KATNAL2: variants seen among roughly 807,000 people sequenced by gnomAD.
KATNAL2 encodes katanin catalytic subunit A1 like 2.
KATNAL2 carries 52 observed loss-of-function variants against 76.3 expected under a neutral mutation model. The ratio of observed to expected loss-of-function variants is 0.68; its 90% CI spans 0.55 to 0.86. The LOEUF is 0.86. KATNAL2 is among the 40% of genes least tolerant of loss of function. The probability of loss-of-function intolerance (pLI) is 0.00; values close to 1 mark genes in which losing one functional copy is unlikely to be tolerated. For missense variants in KATNAL2, 660 were observed against 668.9 expected (o/e 0.99, Z 0.15); for synonymous variants, 243 against 244.2 (o/e 1.00, Z 0.05).
intron 3 of KATNAL2, among the ~76,000 whole-genome samples, chr18:46,965,959 C>G (rs879473116): frequency 4.6e-5 from 7 of 150,706 alleles, no homozygotes; most frequent in African/African-American, 1.5e-4. Flanking sequence ...TTTACATTCT[C>G]ACATGACTTT....
intron 3 of KATNAL2, among the ~76,000 whole-genome samples, chr18:46,949,687 C>T (rs1236120743): frequency 6.6e-6 from 1 of 152,230 alleles, no homozygotes; most frequent in East Asian, 1.9e-4. Flanking sequence ...CTCCTTCTTT[C>T]TCCTAGTCCC....
At chr18:46,961,985 C>T (rs1397839828) in intron 3 of KATNAL2, among the ~76,000 whole-genome samples, 1 of 152,194 alleles carries the variant, frequency 6.6e-6, no homozygotes, top group African/African-American at 2.4e-5. Flanking sequence ...CTACAGTTAT[C>T]TTCAGGCATT....
At chr18:47,099,192 C>T (rs761681235) in intron 15 of KATNAL2, 51 bp from the exon 16 acceptor site, 5 of 1,540,288 alleles carry the variant, frequency 3.2e-6, no homozygotes, top group South Asian at 1.2e-5. Flanking sequence ...AGTTGTTGTT[C>T]AGGAAGTGTG....
At chr18:47,037,458 G>A (rs1019513896) in intron 3 of KATNAL2, among the ~76,000 whole-genome samples, 2 of 152,194 alleles carry the variant, frequency 1.3e-5, no homozygotes, top group African/African-American at 2.4e-5. Flanking sequence ...TAATGAGCAT[G>A]TAATTGTGTC....
chr18:47,096,029 G>C (rs188709973), intron 15 of KATNAL2, among the ~76,000 whole-genome samples: 1 of 152,268 alleles, frequency 6.6e-6, no homozygotes, highest in Admixed American at 6.5e-5. Context: ...ACTGATAAAA[G>C]AACAAAGCAA....
At chr18:47,035,601 G>A (rs2060737208) in intron 3 of KATNAL2, 2 of 518,108 alleles carry the variant, frequency 3.9e-6, no homozygotes, top group South Asian at 2.1e-5. Flanking sequence ...TGACACTCAC[G>A]GCTCTAGCCC....
chr18:47,095,647 A>G (rs2063200301), intron 15 of KATNAL2, among the ~76,000 whole-genome samples: 1 of 152,256 alleles, frequency 6.6e-6, no homozygotes, highest in African/African-American at 2.4e-5. Context: ...TTAGTAACAC[A>G]GACAGCCTTC....
intron 7 of KATNAL2, 21 bp downstream of exon 7, chr18:47,058,373 C>A: frequency 7.2e-7 from 1 of 1,396,038 alleles, no homozygotes; most frequent in Non-Finnish European, 1.0e-6. Flanking sequence ...CTTGGCTTGA[C>A]TTTGTGAACA....
intron 1 of KATNAL2, among the ~76,000 whole-genome samples, chr18:46,937,395 A>C (rs2059125280): frequency 6.6e-6 from 1 of 151,936 alleles, no homozygotes; most frequent in Non-Finnish European, 1.5e-5. Flanking sequence ...TTTTATTATT[A>C]TTATTTTCTA....
rs139195196 is a variant in KATNAL2 at position 46,918,492 on chromosome 18, T to G, written c.-510+566T>G. ...TTTTTGAGACGGAGTTTTGCTCTTG[T>G]TGCCCAGGCTGGAGTGCAATGGCAC... On this transcript the variant is annotated intron_variant, in intron 1 of 17. Transcript: ENST00000683218. Among the ~76,000 whole-genome samples the G allele has an allele frequency of 2.0e-3, 297 of 152,300 alleles. 4 individuals carry two copies. The East Asian group carries it at 0.037, about 19-fold the overall frequency.
chr18:47,075,422 C>A lies in KATNAL2; in HGVS notation c.1100+54C>A, dbSNP rs111724216. 1.9e-5 allele frequency: 25 copies of A among 1,288,218 alleles called. No homozygotes were observed. The African/African-American group carries it at 2.6e-4, about 14-fold the overall frequency. The allele number at this position is 1,288,218 out of a possible 1,614,324, so 79.8% of individuals were successfully genotyped here. A position where few individuals can be genotyped will look rare whatever the true frequency, so the allele number is the denominator to read the frequency against. ...TTGTTGTTTTTTGTCATGGCTTCTC[C>A]CCTCTTGTGTGTTTGATGGTCGGAA... On this transcript the variant is annotated intron_variant, in intron 14 of 17. Coordinates refer to ENST00000683218, the MANE Select transcript of KATNAL2 (RefSeq NM_001387690.1).
chr18:47,084,694 C>T (rs1003706965), intron 15 of KATNAL2, among the ~76,000 whole-genome samples: 1 of 151,524 alleles, frequency 6.6e-6, no homozygotes, highest in Non-Finnish European at 1.5e-5. Flanking sequence ...ACTAAAAATA[C>T]AAAAATTACC....
At chr18:47,088,709 G>A (rs984157176) in intron 15 of KATNAL2, among the ~76,000 whole-genome samples, 1 of 152,148 alleles carries the variant, frequency 6.6e-6, no homozygotes, top group Non-Finnish European at 1.5e-5. Context: ...GACCACAGAC[G>A]TGTGCCACCA....
intron 3 of KATNAL2, chr18:47,034,855 G>A (rs1459084887): frequency 2.5e-6 from 4 of 1,612,012 alleles, no homozygotes; most frequent in Non-Finnish European, 2.5e-6. Context: ...CTGTTGCCCC[G>A]GAGGTGTTCT....
chr18:47,069,187 A>G (rs1343056782), intron 11 of KATNAL2, 33 bp from the exon 12 acceptor site: 1 of 1,525,272 alleles, frequency 6.6e-7, no homozygotes, highest in Admixed American at 1.7e-5. Context: ...ATGTGTTGGT[A>G]CCAAACCTCA....
chr18:47,065,140 C>T (rs1292043447), intron 10 of KATNAL2, among the ~76,000 whole-genome samples: 1 of 152,150 alleles, frequency 6.6e-6, no homozygotes, highest in Non-Finnish European at 1.5e-5. Context: ...TTGTAAATAT[C>T]ATGCATGACC....
At chr18:47,055,795 G>C (rs1352135276) in intron 6 of KATNAL2, among the ~76,000 whole-genome samples, 1 of 152,212 alleles carries the variant, frequency 6.6e-6, no homozygotes, top group Middle Eastern at 3.2e-3. Context: ...TGCTCTGTGA[G>C]TGAATGGTGT....
chr18:46,941,750 C>T (rs1347857850), intron 1 of KATNAL2, among the ~76,000 whole-genome samples: 1 of 152,174 alleles, frequency 6.6e-6, no homozygotes, highest in Non-Finnish European at 1.5e-5. Flanking sequence ...CCTAAAAAGG[C>T]TCTGTTTATT....
At chr18:47,062,707 T>C (rs898542701) in intron 8 of KATNAL2, among the ~76,000 whole-genome samples, 4 of 152,206 alleles carry the variant, frequency 2.6e-5, no homozygotes, top group African/African-American at 9.6e-5. Context: ...AGGAAGCAGA[T>C]GGTCTGTGTC....
Sources: gnomAD v4.1 joint callset for allele counts (sites outside exome capture counted in the v4.1 genomes callset) on GRCh38, gnomAD v4.1.1 for gene constraint, MANE v1.5 for transcripts, NCBI Gene and HGNC (gene_info 2026-07-23, HGNC 2026-07-21) for gene names.